Variants in SLC10A7 observed in about 807,000 individuals in gnomAD.
SLC10A7 encodes the protein solute carrier family 10 member 7.
Under a neutral mutation model 43.2 loss-of-function variants are expected in SLC10A7, and 29 were observed. The ratio of observed to expected loss-of-function variants is 0.67; its 90% CI spans 0.50 to 0.92. The LOEUF (loss-of-function observed/expected upper bound fraction) is 0.92, where lower values mean the gene tolerates loss of function less well. Among genes scored for constraint, SLC10A7 ranks in the 40% least tolerant of loss-of-function variants. SLC10A7 has a pLI of 0.00. For synonymous variants in SLC10A7, 152 were observed against 144.8 expected, an observed-to-expected ratio of 1.05 and a Z score of -0.35; for missense variants, 295 against 403.2, an observed-to-expected ratio of 0.73 and a Z score of 2.30.
intron 11 of SLC10A7, among the ~76,000 whole-genome samples, chr4:146,258,464 C>T (rs371572333): frequency 1.2e-4 from 18 of 152,196 alleles, no homozygotes; most frequent in African/African-American, 4.3e-4. Flanking sequence ...CTTGTAAAAA[C>T]TGCATGTTAA....
chr4:146,471,335 A>G (rs1409343760), intron 4 of SLC10A7, among the ~76,000 whole-genome samples: 1 of 152,222 alleles, frequency 6.6e-6, no homozygotes, highest in African/African-American at 2.4e-5. Context: ...TATCTAGAAC[A>G]CTGGACCAAC....
intron 6 of SLC10A7, among the ~76,000 whole-genome samples, chr4:146,310,712 C>A (rs1731916459): frequency 6.6e-6 from 1 of 151,980 alleles, no homozygotes; most frequent in South Asian, 2.1e-4. Flanking sequence ...TTTATTATTA[C>A]CCTCATTTTC....
intron 7 of SLC10A7, among the ~76,000 whole-genome samples, chr4:146,299,936 G>T (rs11735261): frequency 1.3e-5 from 2 of 152,086 alleles, no homozygotes; most frequent in Non-Finnish European, 2.9e-5. Flanking sequence ...GCCAGGGAGT[G>T]AGGTGAATGA....
At chr4:146,379,274 C>T (rs1164019886) in intron 5 of SLC10A7, among the ~76,000 whole-genome samples, 2 of 152,190 alleles carry the variant, frequency 1.3e-5, no homozygotes, top group Non-Finnish European at 2.9e-5. Flanking sequence ...AGCAATTATC[C>T]TTACAACTAT....
intron 1 of SLC10A7, among the ~76,000 whole-genome samples, chr4:146,519,066 CATATAT>C (rs869090267): frequency 0.063 from 368 of 5,874 alleles, no homozygotes; most frequent in African/African-American, 0.15. Flanking sequence ...GAAAAATCAC[CATATAT>C]ATATATATAT....
At chr4:146,505,608 A>G (rs1447711850) in intron 3 of SLC10A7, among the ~76,000 whole-genome samples, 1 of 152,228 alleles carries the variant, frequency 6.6e-6, no homozygotes, top group African/African-American at 2.4e-5. Flanking sequence ...TAGCTCTGAA[A>G]TAGGAAAAAA....
chr4:146,418,042 A>ATG (rs1324861013), intron 5 of SLC10A7, among the ~76,000 whole-genome samples: 3 of 102,712 alleles, frequency 2.9e-5, no homozygotes, highest in African/African-American at 6.9e-5. Flanking sequence ...TGATGATGAT[A>ATG]ATGATCCACA....
At chr4:146,401,113 A>C (rs1171142413) in intron 5 of SLC10A7, among the ~76,000 whole-genome samples, 4 of 152,220 alleles carry the variant, frequency 2.6e-5, no homozygotes, top group Non-Finnish European at 4.4e-5. Flanking sequence ...GAGGAGCATC[A>C]GCTGAAGTCA....
chr4:146,392,576 C>A (rs1219222592), intron 5 of SLC10A7, among the ~76,000 whole-genome samples: 2 of 152,072 alleles, frequency 1.3e-5, no homozygotes, highest in East Asian at 1.9e-4. Context: ...AAAAAATTGG[C>A]AATGCCAATT....
Position 146,254,970 on chromosome 4 carries a change from A to G in SLC10A7, c.*1521T>C, listed in dbSNP as rs554457976. The stretch of plus-strand genomic sequence containing the variant: ...ATTTATTCAATGACATTGACAAAAG[A>G]TGAGACCTGGTAGTAACAATAATAT... On this transcript the variant is annotated 3_prime_UTR_variant, in exon 12 of 12. Coordinates refer to ENST00000335472, the MANE Select transcript of SLC10A7 (RefSeq NM_001029998.6). The G allele has an allele frequency of 1.3e-5, 2 of 152,356 alleles. No individual in the cohort carries two copies. Among genetic ancestry groups the G allele is most frequent in the East Asian group, 3.9e-4 (2 of 5,194 alleles). The allele number at this position is 152,356 out of a possible 1,614,324, so 9.4% of individuals were successfully genotyped here. A position where few individuals can be genotyped will look rare whatever the true frequency, so the allele number is the denominator to read the frequency against.
intron 5 of SLC10A7, among the ~76,000 whole-genome samples, chr4:146,422,479 TAGAAAG>T (rs978894519): frequency 6.0e-4 from 92 of 152,318 alleles, no homozygotes; most frequent in African/African-American, 2.2e-3. Context: ...GATTAATATT[TAGAAAG>T]AGAGAGTATA....
At chr4:146,479,634 T>C (rs1470496746) in intron 4 of SLC10A7, among the ~76,000 whole-genome samples, 1 of 152,092 alleles carries the variant, frequency 6.6e-6, no homozygotes, top group Admixed American at 6.5e-5. Context: ...TGGAGACCAG[T>C]TGTTTAATGA....
chr4:146,402,199 C>A (rs1045384575), intron 5 of SLC10A7, among the ~76,000 whole-genome samples: 8 of 152,100 alleles, frequency 5.3e-5, no homozygotes, highest in African/African-American at 1.9e-4. Flanking sequence ...ACACACATAC[C>A]AATATCTGTT....
chr4:146,421,658 A>T (rs1012660626), intron 5 of SLC10A7, among the ~76,000 whole-genome samples: 1 of 151,958 alleles, frequency 6.6e-6, no homozygotes, highest in Admixed American at 6.6e-5. Flanking sequence ...GCAACTGACC[A>T]TTCATTCATT....
intron 5 of SLC10A7, among the ~76,000 whole-genome samples, chr4:146,421,812 A>C (rs1237666593): frequency 2.0e-5 from 3 of 152,012 alleles, no homozygotes; most frequent in Non-Finnish European, 4.4e-5. Flanking sequence ...GACCTTCTCC[A>C]CTTGGGCTGT....
intron 5 of SLC10A7, among the ~76,000 whole-genome samples, chr4:146,418,767 T>G (rs567914733): frequency 1.2e-4 from 18 of 152,292 alleles, no homozygotes; most frequent in South Asian, 1.0e-3. Flanking sequence ...ACTCTCCACC[T>G]GCAGAGAGTG....
intron 4 of SLC10A7, among the ~76,000 whole-genome samples, chr4:146,491,678 G>GGGAAGGAAGGAAGGAAGGAAGGAAGGAA (rs200895728): frequency 3.2e-5 from 3 of 93,540 alleles, no homozygotes; most frequent in East Asian, 3.3e-4. Context: ...GAGGGAGGAA[G>GGGAAGGAAGGAAGGAAGGAAGGAAGGAA]GGAAGGAAGG....
intron 10 of SLC10A7, among the ~76,000 whole-genome samples, chr4:146,280,689 C>A (rs1190068532): frequency 6.6e-6 from 1 of 152,020 alleles, no homozygotes; most frequent in Non-Finnish European, 1.5e-5. Context: ...TAGTGCTTAA[C>A]AAGAACATTC....
At chr4:146,489,516 G>A (rs540978488) in intron 4 of SLC10A7, among the ~76,000 whole-genome samples, 16 of 152,286 alleles carry the variant, frequency 1.1e-4, no homozygotes, top group African/African-American at 1.4e-4. Flanking sequence ...CACATAACAC[G>A]TACTGGCTGA....
Sources: allele counts gnomAD v4.1 joint callset (sites outside exome capture counted in the v4.1 genomes callset), GRCh38; gene constraint gnomAD v4.1.1; transcripts MANE v1.5; gene names NCBI Gene and HGNC (gene_info 2026-07-23, HGNC 2026-07-21).